CTNNA3: variants seen among roughly 807,000 people sequenced by gnomAD.
CTNNA3 encodes the protein catenin alpha-3.
CTNNA3 carries 76 observed loss-of-function variants against 95.7 expected under a neutral mutation model. That is an observed-to-expected ratio of 0.79 (90% confidence interval 0.66 to 0.96). The LOEUF (loss-of-function observed/expected upper bound fraction) is 0.96. CTNNA3 is among the 40% of genes least tolerant of loss of function. The probability of loss-of-function intolerance (pLI) is 0.00; values close to 1 mark genes in which losing one functional copy is unlikely to be tolerated. For missense variants in CTNNA3, 1,191 were observed against 1,089.8 expected (o/e 1.09, Z -1.31); for synonymous variants, 431 against 374.4 (o/e 1.15, Z -1.74).
chr10:66,892,690 A>G (rs1845318761), intron 7 of CTNNA3, among the ~76,000 whole-genome samples: 1 of 152,162 alleles, frequency 6.6e-6, no homozygotes, highest in Non-Finnish European at 1.5e-5. Context: ...GACTGTATGT[A>G]TAATGAAGAT....
At chr10:66,984,905 T>C (rs1021251961) in intron 7 of CTNNA3, among the ~76,000 whole-genome samples, 1 of 152,202 alleles carries the variant, frequency 6.6e-6, no homozygotes, top group Non-Finnish European at 1.5e-5. Flanking sequence ...GCTTTTTTTT[T>C]GTTTAAGTAC....
intron 7 of CTNNA3, among the ~76,000 whole-genome samples, chr10:67,131,292 C>T (rs922067366): frequency 1.3e-5 from 2 of 152,008 alleles, no homozygotes; most frequent in Non-Finnish European, 2.9e-5. Context: ...ATTCAAGCAG[C>T]TTATCCTCTA....
chr10:67,230,212 A>C (rs1865123149), intron 5 of CTNNA3, among the ~76,000 whole-genome samples: 1 of 152,204 alleles, frequency 6.6e-6, no homozygotes, highest in South Asian at 2.1e-4. Flanking sequence ...ACAAAAACAC[A>C]AAGTGAGGAA....
chr10:67,701,886 A>T (rs1841043045), intron 1 of CTNNA3, among the ~76,000 whole-genome samples: 1 of 152,154 alleles, frequency 6.6e-6, no homozygotes, highest in Non-Finnish European at 1.5e-5. Context: ...AACCCATCTC[A>T]CGAGCAGAGA....
chr10:66,074,178 T>A (rs1413700296), intron 14 of CTNNA3, among the ~76,000 whole-genome samples: 1 of 151,954 alleles, frequency 6.6e-6, no homozygotes, highest in Non-Finnish European at 1.5e-5. Flanking sequence ...TGTAGTTATA[T>A]TTTGTTTATT....
chr10:66,316,216 G>T (rs1301955152), intron 12 of CTNNA3, among the ~76,000 whole-genome samples: 1 of 152,076 alleles, frequency 6.6e-6, no homozygotes, highest in Non-Finnish European at 1.5e-5. Context: ...GACAGTGGTG[G>T]TAAAGGTAGT....
chr10:67,240,073 A>C (rs1865661594), intron 5 of CTNNA3, among the ~76,000 whole-genome samples: 1 of 152,200 alleles, frequency 6.6e-6, no homozygotes, highest in African/African-American at 2.4e-5. Context: ...TGCTCAACAA[A>C]GCAGAGCTAC....
chr10:67,466,759 A>C (rs1386758992), intron 5 of CTNNA3, among the ~76,000 whole-genome samples: 2 of 152,178 alleles, frequency 1.3e-5, no homozygotes, highest in Non-Finnish European at 2.9e-5. Flanking sequence ...ATTGTTTCTT[A>C]CATATGACAA....
chr10:66,285,317 C>T (rs1026810031), intron 12 of CTNNA3, among the ~76,000 whole-genome samples: 1 of 151,880 alleles, frequency 6.6e-6, no homozygotes, highest in Non-Finnish European at 1.5e-5. Flanking sequence ...ATATGAAACG[C>T]TAATCATTTA....
chr10:66,360,943 C>CTG (rs1464989768), intron 12 of CTNNA3, among the ~76,000 whole-genome samples: 1 of 141,088 alleles, frequency 7.1e-6, no homozygotes, highest in South Asian at 2.2e-4. Flanking sequence ...CTCTCTCTCT[C>CTG]TGTCTCTCTC....
intron 2 of CTNNA3, among the ~76,000 whole-genome samples, chr10:67,614,901 T>C (rs967817138): frequency 6.6e-6 from 1 of 152,240 alleles, no homozygotes; most frequent in African/African-American, 2.4e-5. Flanking sequence ...TGTCCTCACA[T>C]GTATGCACAC....
chr10:66,287,416 T>G (rs2091607108), intron 12 of CTNNA3, among the ~76,000 whole-genome samples: 1 of 152,096 alleles, frequency 6.6e-6, no homozygotes, highest in African/African-American at 2.4e-5. Context: ...GTCAGGTCAC[T>G]TTGTTTCCTC....
At chr10:66,867,532 T>G (rs560160266) in intron 7 of CTNNA3, among the ~76,000 whole-genome samples, 5 of 152,280 alleles carry the variant, frequency 3.3e-5, no homozygotes, top group Non-Finnish European at 7.4e-5. Flanking sequence ...GTTATTTTTA[T>G]GGAGTGTAAC....
At chr10:66,876,637 A>T (rs984363038) in intron 7 of CTNNA3, among the ~76,000 whole-genome samples, 5 of 152,112 alleles carry the variant, frequency 3.3e-5, no homozygotes, top group African/African-American at 1.2e-4. Flanking sequence ...TCTGGGCCTT[A>T]TTAGAATTTT....
chr10:66,690,237 C>A (rs536987417), intron 9 of CTNNA3, among the ~76,000 whole-genome samples: 35 of 152,106 alleles, frequency 2.3e-4, no homozygotes, highest in Admixed American at 1.8e-3. Flanking sequence ...GACTTGGGTG[C>A]AGACTGAATT....
intron 10 of CTNNA3, among the ~76,000 whole-genome samples, chr10:66,564,154 C>T (rs777239389): frequency 7.9e-5 from 12 of 152,076 alleles, no homozygotes; most frequent in Non-Finnish European, 1.2e-4. Flanking sequence ...TAGGAATAAT[C>T]GATACAGTTT....
intron 11 of CTNNA3, among the ~76,000 whole-genome samples, chr10:66,480,252 T>G (rs1055566308): frequency 1.3e-5 from 2 of 152,176 alleles, no homozygotes; most frequent in Non-Finnish European, 2.9e-5. Flanking sequence ...CAAACTATAA[T>G]TCTGGAGGTG....
chr10:67,401,881 A>G (rs1844936841), intron 5 of CTNNA3, among the ~76,000 whole-genome samples: 1 of 152,242 alleles, frequency 6.6e-6, no homozygotes, highest in South Asian at 2.1e-4. Flanking sequence ...AGAATTCTGC[A>G]ACGAAGACAC....
chr10:66,353,012 T>A (rs930049257), intron 12 of CTNNA3, among the ~76,000 whole-genome samples: 10 of 152,084 alleles, frequency 6.6e-5, no homozygotes, highest in Non-Finnish European at 1.5e-4. Context: ...TATTTTATTA[T>A]CATTATGTAA....
Sources: gnomAD v4.1 joint callset for allele counts (sites outside exome capture counted in the v4.1 genomes callset) on GRCh38, gnomAD v4.1.1 for gene constraint, MANE v1.5 for transcripts, NCBI Gene and HGNC (gene_info 2026-07-23, HGNC 2026-07-21) for gene names.